Variants in SCN11A observed in about 807,000 individuals in gnomAD.
SCN11A encodes sodium channel protein type 11 subunit alpha.
Under a neutral mutation model 162.2 loss-of-function variants are expected in SCN11A, and 122 were observed. The observed-to-expected ratio is 0.75, with a 90% confidence interval of 0.65 to 0.87. The LOEUF (loss-of-function observed/expected upper bound fraction) is 0.87, where lower values mean the gene tolerates loss of function less well. SCN11A is among the 40% of genes least tolerant of loss of function. The pLI is 0.00. For synonymous variants in SCN11A, 758 were observed against 751.5 expected (o/e 1.01, Z -0.14); for missense variants, 2,015 against 2,181.6 (o/e 0.92, Z 1.52).
chr3:39,034,603 C>T (rs1256531153), intron 1 of SCN11A, among the ~76,000 whole-genome samples: 1 of 152,092 alleles, frequency 6.6e-6, no homozygotes, highest in African/African-American at 2.4e-5. Flanking sequence ...TAGTCAGTGT[C>T]CTAGCTAGAG....
In SCN11A at chr3:38,908,121, G is replaced by T. The variant is rs1303972733; in HGVS notation, c.1301C>A (p.Ala434Asp). 1 of 1,609,192 alleles carries T rather than the reference G, an allele frequency of 6.2e-7. No homozygotes were observed. The highest frequency in any genetic ancestry group is 8.5e-7 in the Non-Finnish European group (1 of 1,179,018). The change falls in exon 14 of 30, where the codon GCT becomes GAT. Residue 434 changes from alanine to aspartate, a missense_variant and splice_region_variant. Transcript: ENST00000302328. ...AQQLLKEEKE[A>D]LVAMGIDRSS... is the part of the protein sequence containing the mutation. The stretch of plus-strand genomic sequence containing the variant: ...TCTGTCAATTCCCATGGCAACCAGA[G>T]CCTTCAAATTGAACAAAAGCAATTA...
chr3:38,894,291 C>T (rs373076902), intron 19 of SCN11A, among the ~76,000 whole-genome samples: 15 of 152,172 alleles, frequency 9.9e-5, no homozygotes, highest in African/African-American at 3.6e-4. Flanking sequence ...GGAACTCCCC[C>T]TGTCATCCCA....
intron 2 of SCN11A, among the ~76,000 whole-genome samples, chr3:39,013,908 G>T (rs1318437233): frequency 1.3e-5 from 2 of 152,236 alleles, no homozygotes; most frequent in East Asian, 3.8e-4. Flanking sequence ...GGGAAAAGAT[G>T]AAGGGCAGAG....
intron 2 of SCN11A, among the ~76,000 whole-genome samples, chr3:38,971,767 G>A (rs1191380623): frequency 2.6e-5 from 4 of 152,190 alleles, no homozygotes; most frequent in Non-Finnish European, 2.9e-5. Context: ...TGGGCTGAAA[G>A]CTGGTTCAGG....
chr3:38,910,247 C>A, intron 11 of SCN11A, 40 bp from the exon 12 acceptor site: 3 of 1,586,964 alleles, frequency 1.9e-6, no homozygotes, highest in South Asian at 1.1e-5. Flanking sequence ...TTATGTACGC[C>A]ACAGCCAAGC....
chr3:38,908,933 A>T, intron 13 of SCN11A, 64 bp downstream of exon 13: 3 of 1,453,252 alleles, frequency 2.1e-6, no homozygotes, highest in Non-Finnish European at 9.6e-7. Context: ...CTCAGGTCAC[A>T]TTGCCTCTGG....
chr3:38,919,703 T>C (rs1369784241), intron 11 of SCN11A, among the ~76,000 whole-genome samples: 2 of 152,204 alleles, frequency 1.3e-5, no homozygotes, highest in Non-Finnish European at 2.9e-5. Context: ...ACTGTTTCAG[T>C]AGGTTTCTTA....
At chr3:39,021,040 T>TAA (rs372345486) in intron 2 of SCN11A, among the ~76,000 whole-genome samples, 2 of 147,692 alleles carry the variant, frequency 1.4e-5, no homozygotes, top group Non-Finnish European at 3.0e-5. Context: ...TAAGATCTGT[T>TAA]AAAAAAAAAA....
chr3:38,918,555 G>GA (rs2065996780), intron 11 of SCN11A, among the ~76,000 whole-genome samples: 2 of 152,132 alleles, frequency 1.3e-5, no homozygotes, highest in African/African-American at 4.8e-5. Context: ...TCCTGCCCAC[G>GA]AAAAAATTAT....
intron 29 of SCN11A, among the ~76,000 whole-genome samples, chr3:38,848,062 G>A (rs1465859966): frequency 1.3e-5 from 2 of 152,148 alleles, no homozygotes; most frequent in East Asian, 3.9e-4. Context: ...TGGTAGCATT[G>A]GAATGCTCAC....
chr3:38,863,385 C>A, intron 27 of SCN11A, 86 bp from the exon 28 acceptor site: 1 of 676,848 alleles, frequency 1.5e-6, no homozygotes, highest in Non-Finnish European at 2.6e-6. Context: ...TTTAAAGTTA[C>A]ATTACATTTC....
rs149399418 is a variant in SCN11A, at chr3:38,909,073, T to G, written c.1223A>C (p.Lys408Thr). 1 of 1,614,148 alleles carries G rather than the reference T, an allele frequency of 6.2e-7. No individual in the cohort carries two copies. Among genetic ancestry groups the G allele is most frequent in the South Asian group, 1.1e-5 (1 of 91,078 alleles). ...GGCCTCTATCTCTGCAGCTACATTC[T>G]TGTTCTGCTCCTCATATGCCATGGT... ...VVTMAYEEQN[K>T]NVAAEIEAKE... Residue 408 changes from lysine (K) to threonine (T), a missense_variant, in exon 13 of 30, where the codon AAG becomes ACG. Coordinates refer to ENST00000302328, the MANE Select transcript of SCN11A (RefSeq NM_001349253.2).
At chr3:38,953,057 TG>T (rs201873448) in intron 4 of SCN11A, among the ~76,000 whole-genome samples, 1,733 of 149,760 alleles carry the variant, frequency 0.012, 30 homozygotes, top group African/African-American at 0.037. Flanking sequence ...TGTTTTTTTT[TG>T]TTGTTGTTGT....
chr3:38,937,896 C>T (rs1174520815), intron 7 of SCN11A, among the ~76,000 whole-genome samples: 1 of 152,048 alleles, frequency 6.6e-6, no homozygotes, highest in Non-Finnish European at 1.5e-5. Flanking sequence ...ACCCAAAGGA[C>T]TATAAATCAT....
chr3:38,878,075 CG>C (rs918494317), intron 23 of SCN11A, among the ~76,000 whole-genome samples: 3 of 151,602 alleles, frequency 2.0e-5, no homozygotes, highest in Admixed American at 6.6e-5. Context: ...GTACACTGAT[CG>C]GGCGATGGGG....
chr3:38,950,078 C>CCCCCCCCCCCCCCCCGCCCCCCCCCCCG lies in SCN11A; in HGVS notation c.267+17_267+18insCGGGGGGGGGGGCGGGGGGGGGGGGGGG, dbSNP rs1553644472. 7.1e-6 allele frequency: 1 copy of CCCCCCCCCCCCCCCCGCCCCCCCCCCCG among 139,976 alleles called. No individual in the cohort carries two copies. The highest frequency in any genetic ancestry group is 3.6e-5 in the African/African-American group (1 of 27,722). 8.7% of individuals were successfully genotyped at this position (139,976 alleles called of 1,614,324 possible). Reference sequence around the variant, plus strand: ...GAACACCCCCACCCCCACCCCCCCCCCCCGCCCAATGAAGTACCTTATGAT... The same window carrying CCCCCCCCCCCCCCCCGCCCCCCCCCCCG: ...GAACACCCCCACCCCCACCCCCCCCCCCCCCCCCCCCCCCCGCCCCCCCCCCCGCCCGCCCAATGAAGTACCTTATGAT... On this transcript the variant is annotated intron_variant, in intron 5 of 29. Coordinates refer to ENST00000302328, the MANE Select transcript of SCN11A (RefSeq NM_001349253.2).
Position 38,883,373 on chromosome 3 carries a change from A to T in SCN11A, c.3079T>A (p.Phe1027Ile). The T allele has an allele frequency of 6.2e-7, 1 of 1,612,960 alleles. No homozygotes were observed. Among genetic ancestry groups the T allele is most frequent in the Non-Finnish European group, 8.5e-7 (1 of 1,179,594 alleles). The change falls in exon 22 of 30, where the codon TTT (phenylalanine) becomes ATT (isoleucine). Residue 1027 changes from phenylalanine to isoleucine, a missense_variant. Physicochemically the swap from Phe to Ile is conservative, Grantham distance 21 (BLOSUM62 0). Coordinates refer to ENST00000302328, the MANE Select transcript of SCN11A (RefSeq NM_001349253.2). ...RCLPKGFGCC[F>I]PCCSVDKRKP... The stretch of plus-strand genomic sequence containing the variant: ...CTCTTGTCCACGCTACAGCATGGAA[A>T]GCAGCAACCAAAGCCTGAAAGGAAT...
At position 38,922,838 on chromosome 3, in the gene SCN11A, G is replaced by A. The variant is rs373962434; in HGVS notation, c.713-1583C>T. Reference sequence around the variant, plus strand: ...TGGAGTTTAGGTATTGGGGCCATGCGGTATAGTTTATGTCTATATCATCAG... The same window carrying A: ...TGGAGTTTAGGTATTGGGGCCATGCAGTATAGTTTATGTCTATATCATCAG... On this transcript the variant is annotated intron_variant, in intron 9 of 29. Coordinates refer to ENST00000302328, the MANE Select transcript of SCN11A (RefSeq NM_001349253.2). 1.4e-4 allele frequency among the ~76,000 whole-genome samples: 22 copies of A among 152,116 alleles called. No homozygotes were observed. In the East Asian group the frequency reaches 2.3e-3, roughly 16 times the overall value.
chr3:38,951,961 C>T (rs2066626566), intron 4 of SCN11A, among the ~76,000 whole-genome samples: 2 of 152,120 alleles, frequency 1.3e-5, no homozygotes, highest in Non-Finnish European at 2.9e-5. Context: ...CTGGGGTCCC[C>T]TTCCACACTG....
Sources: gnomAD v4.1 joint callset for allele counts (sites outside exome capture counted in the v4.1 genomes callset) on GRCh38, gnomAD v4.1.1 for gene constraint, MANE v1.5 for transcripts, NCBI Gene and HGNC (gene_info 2026-07-23, HGNC 2026-07-21) for gene names.